The following CFAP61 variants were observed in gnomAD, a reference collection of about 807,000 sequenced individuals.
CFAP61 encodes cilia and flagella associated protein 61.
A neutral mutation model predicts 135.6 loss-of-function variants in CFAP61; 107 were observed. That is an observed-to-expected ratio of 0.79 (90% CI 0.67 to 0.93). CFAP61 has a LOEUF of 0.93. Among genes scored for constraint, CFAP61 ranks in the 40% least tolerant of loss-of-function variants. CFAP61 has a pLI of 0.00. For synonymous variants in CFAP61, 575 were observed against 578.5 expected (o/e 0.99, Z 0.09); for missense variants, 1,507 against 1,556.2 (o/e 0.97, Z 0.53).
intron 22 of CFAP61, among the ~76,000 whole-genome samples, chr20:20,287,901 A>C (rs1310053057): frequency 6.6e-6 from 1 of 152,180 alleles, no homozygotes; most frequent in East Asian, 1.9e-4. Context: ...TTGAGCACAG[A>C]ATGGAGAGGG....
chr20:20,161,967 T>C (rs2146803721), intron 10 of CFAP61, among the ~76,000 whole-genome samples: 1 of 152,282 alleles, frequency 6.6e-6, no homozygotes, highest in East Asian at 1.9e-4. Context: ...ACAACACAAA[T>C]TTATTATTGT....
rs774950922 is a variant in CFAP61, at chr20:20,251,724, C to G, written c.2289C>G (p.Pro763=). The G allele has an allele frequency of 6.2e-7, 1 of 1,613,914 alleles. No homozygotes were observed. The highest frequency in any genetic ancestry group is 1.3e-5 in the African/African-American group (1 of 74,940). ...TGCTTTCCACGGACGAGATCGTGCCCTACGACCACCTCATCCTCTGCACCG... is the reference window on the plus strand; with the variant it reads ...TGCTTTCCACGGACGAGATCGTGCCGTACGACCACCTCATCCTCTGCACCG... ...HVVLSTDEIV[P]YDHLILCTGQ... Residue 763 remains proline, a synonymous_variant, in exon 20 of 27, where the codon CCC becomes CCG. Transcript: ENST00000245957.
chr20:20,333,891 C>G (rs1252509620), intron 25 of CFAP61, among the ~76,000 whole-genome samples: 4 of 152,180 alleles, frequency 2.6e-5, no homozygotes, highest in Non-Finnish European at 4.4e-5. Context: ...AGCTCAGCCT[C>G]CCTCCCTCGT....
chr20:20,296,713 G>T (rs6136989), intron 24 of CFAP61, among the ~76,000 whole-genome samples: 25,533 of 152,128 alleles, frequency 0.17, 2,549 homozygotes, highest in East Asian at 0.3. Flanking sequence ...GAAAGTGACC[G>T]TTAACATTTT....
intron 17 of CFAP61, among the ~76,000 whole-genome samples, chr20:20,213,450 T>C (rs1232733087): frequency 2.0e-5 from 3 of 152,004 alleles, no homozygotes; most frequent in Non-Finnish European, 4.4e-5. Flanking sequence ...GAATTTAGAA[T>C]TTCAGGAATC....
intron 25 of CFAP61, among the ~76,000 whole-genome samples, chr20:20,329,723 A>G (rs1444549681): frequency 6.6e-6 from 1 of 152,198 alleles, no homozygotes; most frequent in Non-Finnish European, 1.5e-5. Context: ...TGGACGTTAG[A>G]GCAGTCAAAC....
chr20:20,244,045 G>T (rs572801976), intron 18 of CFAP61, among the ~76,000 whole-genome samples: 1 of 152,338 alleles, frequency 6.6e-6, no homozygotes, highest in East Asian at 1.9e-4. Flanking sequence ...GCAAGAGGTG[G>T]GTTCCTATGG....
At chr20:20,089,594 A>G in intron 6 of CFAP61, among the ~76,000 whole-genome samples, 1 of 152,016 alleles carries the variant, frequency 6.6e-6, no homozygotes, top group African/African-American at 2.4e-5. Flanking sequence ...AGAGAAAAAA[A>G]AAAAAAAGCA....
intron 22 of CFAP61, among the ~76,000 whole-genome samples, chr20:20,281,476 A>G (rs1390624912): frequency 6.6e-6 from 1 of 152,118 alleles, no homozygotes; most frequent in African/African-American, 2.4e-5. Flanking sequence ...GAATTTTGTT[A>G]AGTGAATTTT....
chr20:20,331,604 G>A (rs754041007), intron 25 of CFAP61, among the ~76,000 whole-genome samples: 5 of 152,162 alleles, frequency 3.3e-5, no homozygotes, highest in East Asian at 3.9e-4. Context: ...AATTTAAAGA[G>A]CCATTACTTT....
At chr20:20,175,492 T>TTGTTTTGTTC (rs1178633412) in intron 13 of CFAP61, among the ~76,000 whole-genome samples, 86 of 2,040 alleles carry the variant, frequency 0.042, no homozygotes, top group Admixed American at 0.16. Flanking sequence ...TTTTTTGTTT[T>TTGTTTTGTTC]TGTTTTGTTT....
intron 26 of CFAP61, 101 bp from the exon 27 acceptor site, chr20:20,360,109 T>G: frequency 1.2e-6 from 1 of 863,152 alleles, no homozygotes; most frequent in Non-Finnish European, 1.9e-6. Flanking sequence ...TGACCATCCT[T>G]GCAGAGCTGA....
At chr20:20,265,909 C>G (rs1164174129) in intron 21 of CFAP61, 2 of 161,406 alleles carry the variant, frequency 1.2e-5, no homozygotes, top group Non-Finnish European at 2.7e-5. Flanking sequence ...AGACCTTATT[C>G]TTGCCATTAT....
In CFAP61 at chr20:20,259,245, C is replaced by CTT. The variant is rs3060665; in HGVS notation, c.2329-3685_2329-3684dup. On this transcript the variant is annotated intron_variant, in intron 20 of 26. Coordinates refer to ENST00000245957, the MANE Select transcript of CFAP61 (RefSeq NM_015585.4). ...TCAACAGGAACCCAGGCCCTTCCAT[C>CTT]TTTTTTTTTTTTTTTTTTTTTTTTT... 9.7e-4 allele frequency among the ~76,000 whole-genome samples: 74 copies of CTT among 75,982 alleles called. 2 individuals carry two copies. Among genetic ancestry groups the CTT allele is most frequent in the Non-Finnish European group, 1.4e-3 (59 of 42,578 alleles). The allele number at this position is 75,982 out of a possible 152,430, so 49.8% of individuals were successfully genotyped here. A position where few individuals can be genotyped will look rare whatever the true frequency, so the allele number is the denominator to read the frequency against.
intron 9 of CFAP61, among the ~76,000 whole-genome samples, chr20:20,145,249 G>A (rs775080789): frequency 3.3e-5 from 5 of 152,120 alleles, no homozygotes; most frequent in Admixed American, 6.5e-5. Context: ...AGCACAAAGA[G>A]CTTGAGAGGA....
intron 10 of CFAP61, among the ~76,000 whole-genome samples, chr20:20,161,837 C>T (rs6046675): frequency 0.9 from 137,287 of 152,242 alleles, 62,723 homozygotes; most frequent in Middle Eastern, 0.99. Context: ...GAATTCTCCA[C>T]TTCGAACAGA....
intron 18 of CFAP61, among the ~76,000 whole-genome samples, chr20:20,243,218 T>C (rs2050148585): frequency 6.6e-6 from 1 of 152,080 alleles, no homozygotes; most frequent in Non-Finnish European, 1.5e-5. Context: ...GTGAGACTAA[T>C]TCACTATCAC....
intron 26 of CFAP61, among the ~76,000 whole-genome samples, chr20:20,353,534 GT>G (rs1428162625): frequency 2.0e-5 from 3 of 152,144 alleles, no homozygotes; most frequent in African/African-American, 7.2e-5. Context: ...TTATTTTAGT[GT>G]TTAATATTAG....
At chr20:20,293,718 C>A (rs1228692616) in intron 24 of CFAP61, among the ~76,000 whole-genome samples, 1 of 152,134 alleles carries the variant, frequency 6.6e-6, no homozygotes, top group Non-Finnish European at 1.5e-5. Context: ...GGTAACCTGA[C>A]AAAAGGAAGA....
Sources: gnomAD v4.1 joint callset for allele counts (sites outside exome capture counted in the v4.1 genomes callset) on GRCh38, gnomAD v4.1.1 for gene constraint, MANE v1.5 for transcripts, NCBI Gene and HGNC (gene_info 2026-07-23, HGNC 2026-07-21) for gene names.